KIAA0825: variants seen among roughly 807,000 people sequenced by gnomAD.
KIAA0825 encodes the protein uncharacterized protein KIAA0825.
KIAA0825 carries 119 observed loss-of-function variants against 147.6 expected under a neutral mutation model. That is an observed-to-expected ratio of 0.81 (90% CI 0.69 to 0.94). The LOEUF (loss-of-function observed/expected upper bound fraction) is 0.94, where lower values mean the gene tolerates loss of function less well. KIAA0825 is among the 40% of genes least tolerant of loss of function. The pLI, the probability that KIAA0825 is intolerant of heterozygous loss-of-function variation, is 0.00. For missense variants in KIAA0825, 1,381 were observed against 1,472.7 expected, an observed-to-expected ratio of 0.94 and a Z score of 1.02; for synonymous variants, 470 against 518.1, an observed-to-expected ratio of 0.91 and a Z score of 1.26.
chr5:94,311,932 C>T (rs1779220550), intron 20 of KIAA0825, among the ~76,000 whole-genome samples: 1 of 151,526 alleles, frequency 6.6e-6, no homozygotes, highest in South Asian at 2.1e-4. Flanking sequence ...GCTAGCAAGA[C>T]CACACAAAAG....
At chr5:94,575,281 C>G (rs980392467) in intron 2 of KIAA0825, among the ~76,000 whole-genome samples, 6 of 148,414 alleles carry the variant, frequency 4.0e-5, no homozygotes, top group African/African-American at 1.5e-4. Context: ...GGCGAGACAA[C>G]AGAGAGAGGA....
intron 1 of KIAA0825, chr5:94,593,036 A>G (rs1308124124): frequency 2.9e-5 from 19 of 664,546 alleles, no homozygotes; most frequent in Non-Finnish European, 5.1e-5. Context: ...AAAAATGTTG[A>G]GTATGTCAGA....
In KIAA0825 at chr5:94,499,340, A is replaced by G. The variant is rs1317944934; in HGVS notation, c.971-14410T>C. Among the ~76,000 whole-genome samples, 6 of 152,154 alleles carry G rather than the reference A, an allele frequency of 3.9e-5. No individual in the cohort carries two copies. The South Asian group carries it at 1.2e-3, about 32-fold the overall frequency. On this transcript the variant is annotated intron_variant, in intron 5 of 20. Transcript: ENST00000682413. The stretch of plus-strand genomic sequence containing the variant: ...GTTGAAATTCTATTTCTGAGCCAGC[A>G]TTCCCCCCTGCATTGTGGGAAAACA...
Position 94,537,647 on chromosome 5 carries a change from C to CAA in KIAA0825, c.-1-522_-1-521dup, listed in dbSNP as rs1162517096. Among the ~76,000 whole-genome samples, 183 of 67,802 alleles carry CAA rather than the reference C, an allele frequency of 2.7e-3. 2 individuals carry two copies. The highest frequency in any genetic ancestry group is 4.8e-3 in the Admixed American group (29 of 6,044). 44.5% of individuals were successfully genotyped at this position (67,802 alleles called of 152,430 possible). A position where few individuals can be genotyped will look rare whatever the true frequency, so the allele number is the denominator to read the frequency against. ...TGGGCGACAGAGCAAGACTCTGTCT[C>CAA]AAAAAAAAAAAAAAAAAAAAGAAAG... is the stretch of plus-strand genomic sequence containing the variant. On this transcript the variant is annotated intron_variant, in intron 2 of 20. Coordinates refer to ENST00000682413, the MANE Select transcript of KIAA0825 (RefSeq NM_001145678.3).
chr5:94,239,732 A>AAAC (rs2150102043), intron 20 of KIAA0825, among the ~76,000 whole-genome samples: 1 of 152,336 alleles, frequency 6.6e-6, no homozygotes, highest in Admixed American at 6.5e-5. Context: ...TGAATCAACA[A>AAAC]AACATATGCA....
intron 20 of KIAA0825, among the ~76,000 whole-genome samples, chr5:94,363,586 A>G (rs1488747522): frequency 6.6e-6 from 1 of 152,186 alleles, no homozygotes; most frequent in South Asian, 2.1e-4. Flanking sequence ...ATTGCTTTTT[A>G]AAGTTTTTAA....
intron 20 of KIAA0825, among the ~76,000 whole-genome samples, chr5:94,351,172 C>G (rs569316819): frequency 7.9e-5 from 12 of 152,004 alleles, no homozygotes; most frequent in Non-Finnish European, 1.8e-4. Context: ...CCTTGAAAAC[C>G]CTAAGGACTC....
At chr5:94,155,896 A>G (rs984647380) in intron 20 of KIAA0825, among the ~76,000 whole-genome samples, 6 of 152,172 alleles carry the variant, frequency 3.9e-5, no homozygotes, top group East Asian at 3.9e-4. Context: ...GGGTTTTACA[A>G]TTTAGCCCAC....
At chr5:94,429,880 A>T (rs1472480498) in intron 14 of KIAA0825, among the ~76,000 whole-genome samples, 1 of 152,158 alleles carries the variant, frequency 6.6e-6, no homozygotes, top group Non-Finnish European at 1.5e-5. Flanking sequence ...AATCTAGGAG[A>T]GTGGGTGCTC....
chr5:94,556,055 A>AC (rs1776477907), intron 2 of KIAA0825, among the ~76,000 whole-genome samples: 2 of 145,654 alleles, frequency 1.4e-5, no homozygotes, highest in South Asian at 4.6e-4. Context: ...GACATCAATT[A>AC]CTTTTTTTTT....
intron 13 of KIAA0825, among the ~76,000 whole-genome samples, chr5:94,441,951 T>C (rs558268804): frequency 5.3e-5 from 8 of 152,356 alleles, no homozygotes; most frequent in African/African-American, 1.7e-4. Context: ...AGCACTTTAT[T>C]ATTTCATCAA....
chr5:94,248,276 C>T (rs1775732044), intron 20 of KIAA0825, among the ~76,000 whole-genome samples: 1 of 152,068 alleles, frequency 6.6e-6, no homozygotes, highest in Admixed American at 6.6e-5. Flanking sequence ...TGAGAATTTG[C>T]CAGCTCATTA....
intron 20 of KIAA0825, among the ~76,000 whole-genome samples, chr5:94,234,549 G>T (rs1774936275): frequency 1.3e-5 from 2 of 152,198 alleles, no homozygotes; most frequent in African/African-American, 4.8e-5. Context: ...GGTGCTGCAG[G>T]CTTTACAGGA....
At chr5:94,362,287 G>A in intron 20 of KIAA0825, among the ~76,000 whole-genome samples, 1 of 152,122 alleles carries the variant, frequency 6.6e-6, no homozygotes, top group Non-Finnish European at 1.5e-5. Context: ...AATAGAACAG[G>A]TGCCCCTTCT....
chr5:94,336,832 A>AC (rs1462441175), intron 20 of KIAA0825, among the ~76,000 whole-genome samples: 1 of 152,176 alleles, frequency 6.6e-6, no homozygotes, highest in African/African-American at 2.4e-5. Context: ...TTGAGGAATC[A>AC]CCACACTGTC....
intron 2 of KIAA0825, among the ~76,000 whole-genome samples, chr5:94,552,631 A>G (rs1342586374): frequency 1.3e-5 from 2 of 152,258 alleles, no homozygotes; most frequent in African/African-American, 2.4e-5. Context: ...ATACATAGAA[A>G]AGAAACAACA....
chr5:94,400,787 A>G (rs774219189), intron 16 of KIAA0825, among the ~76,000 whole-genome samples: 3 of 152,134 alleles, frequency 2.0e-5, no homozygotes, highest in Non-Finnish European at 4.4e-5. Context: ...GTAAATCCAC[A>G]CTGTAATCTT....
intron 5 of KIAA0825, among the ~76,000 whole-genome samples, chr5:94,499,584 C>G (rs952863150): frequency 4.5e-5 from 1 of 22,220 alleles, no homozygotes; most frequent in Admixed American, 6.2e-4. Flanking sequence ...ATTTCCCAAT[C>G]TGGGGGGGGG....
At chr5:94,339,374 T>G (rs143413613) in intron 20 of KIAA0825, among the ~76,000 whole-genome samples, 4,745 of 152,310 alleles carry the variant, frequency 0.031, 97 homozygotes, top group Middle Eastern at 0.068. Context: ...CTTTGGTATT[T>G]GTGATTTAAT....
Sources: allele counts gnomAD v4.1 joint callset (sites outside exome capture counted in the v4.1 genomes callset), GRCh38; gene constraint gnomAD v4.1.1; transcripts MANE v1.5; gene names NCBI Gene and HGNC (gene_info 2026-07-23, HGNC 2026-07-21).